The following PSPC1 variants were observed in gnomAD, a reference collection of about 807,000 sequenced individuals.
PSPC1 encodes the protein paraspeckle protein 1.
Under a neutral mutation model 51.6 loss-of-function variants are expected in PSPC1, and 14 were observed. That is an observed-to-expected ratio of 0.27 (90% CI 0.18 to 0.42). The LOEUF is 0.42. Among genes scored for constraint, PSPC1 ranks in the 10% least tolerant of loss-of-function variants. The pLI is 1.00. For missense variants in PSPC1, 406 were observed against 701.1 expected (o/e 0.58, Z 4.75); for synonymous variants, 193 against 231.9 (o/e 0.83, Z 1.53).
chr13:19,731,423 G>A (rs1246396261), intron 5 of PSPC1, among the ~76,000 whole-genome samples: 1 of 152,050 alleles, frequency 6.6e-6, no homozygotes, highest in Non-Finnish European at 1.5e-5. Context: ...TGTTGTTGTT[G>A]TTGTTGTTGA....
At chr13:19,779,577 G>A (rs1171837524) in intron 1 of PSPC1, among the ~76,000 whole-genome samples, 3 of 21,338 alleles carry the variant, frequency 1.4e-4, no homozygotes, top group African/African-American at 1.4e-4. Context: ...CCCTCCGCCC[G>A]GCCAGCCGCC....
chr13:19,780,401 C>CGGAT (rs1339245525), intron 1 of PSPC1, among the ~76,000 whole-genome samples: 1 of 79,654 alleles, frequency 1.3e-5, no homozygotes, highest in Non-Finnish European at 2.9e-5. Context: ...ATTGAGAAAT[C>CGGAT]GGATGGTTGC....
intron 6 of PSPC1, among the ~76,000 whole-genome samples, chr13:19,717,705 CAAA>C (rs780984201): frequency 5.5e-5 from 4 of 72,254 alleles, no homozygotes; most frequent in Non-Finnish European, 5.5e-5. Flanking sequence ...GACTCTGTCT[CAAA>C]AAAAAAAAAA....
intron 1 of PSPC1, 43 bp from the exon 2 acceptor site, chr13:19,772,586 G>GA (rs762169666): frequency 6.5e-7 from 1 of 1,537,018 alleles, no homozygotes; most frequent in Non-Finnish European, 8.7e-7. Context: ...GACAGTAACA[G>GA]AAAAAATTCA....
intron 7 of PSPC1, 55 bp downstream of exon 7, chr13:19,709,487 A>T: frequency 7.3e-7 from 1 of 1,363,178 alleles, no homozygotes; most frequent in South Asian, 1.3e-5. Flanking sequence ...CAAACAGCAT[A>T]AACAGTCCCC....
At chr13:19,764,395 T>C (rs1887865251) in intron 2 of PSPC1, among the ~76,000 whole-genome samples, 1 of 152,080 alleles carries the variant, frequency 6.6e-6, no homozygotes, top group African/African-American at 2.4e-5. Flanking sequence ...CTGGTATACA[T>C]CTGGGGTTTT....
At chr13:19,743,420 A>G (rs558060213) in intron 4 of PSPC1, among the ~76,000 whole-genome samples, 25 of 152,326 alleles carry the variant, frequency 1.6e-4, no homozygotes, top group South Asian at 8.3e-4. Flanking sequence ...CATCATAACC[A>G]TAACAAGGTA....
chr13:19,760,482 C>T (rs9551998), intron 2 of PSPC1, among the ~76,000 whole-genome samples: 111,628 of 150,770 alleles, frequency 0.74, 43,705 homozygotes, highest in East Asian at 0.96. Flanking sequence ...GAGTGGCGAT[C>T]GCACCACTGT....
intron 6 of PSPC1, among the ~76,000 whole-genome samples, chr13:19,681,456 T>A (rs1031127329): frequency 6.6e-6 from 1 of 152,128 alleles, no homozygotes; most frequent in African/African-American, 2.4e-5. Flanking sequence ...AAAATACACA[T>A]AATATATGAT....
chr13:19,769,284 A>G (rs1409771322), intron 2 of PSPC1, among the ~76,000 whole-genome samples: 2 of 144,430 alleles, frequency 1.4e-5, no homozygotes, highest in African/African-American at 5.3e-5. Context: ...GGCCGGGCGC[A>G]GTGGCTCACG....
intron 6 of PSPC1, among the ~76,000 whole-genome samples, chr13:19,688,750 C>G (rs1878217001): frequency 6.6e-6 from 1 of 152,172 alleles, no homozygotes; most frequent in South Asian, 2.1e-4. Context: ...CGAGCGTCTA[C>G]TAACTCAGCT....
chr13:19,753,885 T>C (rs939733803), intron 3 of PSPC1, among the ~76,000 whole-genome samples: 5 of 152,110 alleles, frequency 3.3e-5, no homozygotes, highest in South Asian at 2.1e-4. Flanking sequence ...GTGGGAAAGA[T>C]TGGGAGAATC....
chr13:19,680,229 G>C (rs1469146766), intron 6 of PSPC1, among the ~76,000 whole-genome samples: 1 of 152,154 alleles, frequency 6.6e-6, no homozygotes, highest in Non-Finnish European at 1.5e-5. Context: ...TGGCCAGGCT[G>C]CTCTCGAACT....
chr13:19,755,327 C>T (rs533685580), intron 3 of PSPC1, among the ~76,000 whole-genome samples: 1 of 152,246 alleles, frequency 6.6e-6, no homozygotes, highest in African/African-American at 2.4e-5. Flanking sequence ...TGGTGGCTCA[C>T]GCCTGTAATC....
rs530025663 is a variant in PSPC1 at position 19,704,490 on chromosome 13, C to G, written c.1387-1130G>C. On this transcript the variant is annotated intron_variant, in intron 8 of 8. Coordinates refer to ENST00000338910, the MANE Select transcript of PSPC1 (RefSeq NM_001354909.2). The stretch of plus-strand genomic sequence containing the variant: ...TTTACAACTGATGACAGGTCTGAGT[C>G]TAACAGGCAGTGCTTTCTTTCTTTC... 3.6e-4 allele frequency among the ~76,000 whole-genome samples: 55 copies of G among 152,412 alleles called. 1 individual carries two copies. The highest frequency in any genetic ancestry group is 1.1e-3 in the African/African-American group (47 of 41,600).
At chr13:19,763,167 T>C (rs550394384) in intron 2 of PSPC1, among the ~76,000 whole-genome samples, 15 of 152,252 alleles carry the variant, frequency 9.9e-5, no homozygotes, top group Non-Finnish European at 5.9e-5. Context: ...ATTTATTCTT[T>C]TTTCTTGAGA....
At chr13:19,680,994 G>T (rs1407407096) in intron 6 of PSPC1, among the ~76,000 whole-genome samples, 1 of 152,194 alleles carries the variant, frequency 6.6e-6, no homozygotes, top group East Asian at 1.9e-4. Context: ...GACACAGGAG[G>T]ACTGCTTGAG....
At position 19,759,384 on chromosome 13, in the gene PSPC1, G is replaced by T; in HGVS notation, c.709C>A (p.Gln237Lys). ...GGCAAGCCATCTTCATCATCAAACT[G>T]CTCCATGGGTTCCACAATGACTGGA... is the stretch of plus-strand genomic sequence containing the variant. The part of the protein sequence containing the change: ...PRPVIVEPME[Q>K]FDDEDGLPEK... The change falls in exon 3 of 9, where the codon CAG becomes AAG. Residue 237 changes from glutamine to lysine, a missense_variant. Physicochemically the swap from Gln to Lys is moderately conservative, Grantham distance 53 (BLOSUM62 1). Around this residue, in one of 5 missense-constraint regions of PSPC1, gnomAD observed 180 missense variants for 337.9 expected, o/e 0.53. Coordinates refer to ENST00000338910, the MANE Select transcript of PSPC1 (RefSeq NM_001354909.2). 6.2e-7 allele frequency: 1 copy of T among 1,614,086 alleles called. No homozygotes were observed. Among genetic ancestry groups the T allele is most frequent in the Non-Finnish European group, 8.5e-7 (1 of 1,180,012 alleles).
intron 5 of PSPC1, among the ~76,000 whole-genome samples, chr13:19,733,020 C>T (rs553986990): frequency 1.3e-5 from 2 of 152,064 alleles, no homozygotes; most frequent in African/African-American, 4.8e-5. Flanking sequence ...ACACAGTGAC[C>T]TTGTTGGGGG....
Sources: allele counts gnomAD v4.1 joint callset (sites outside exome capture counted in the v4.1 genomes callset), GRCh38; gene constraint gnomAD v4.1.1; regional missense constraint gnomAD v4.1.1; transcripts MANE v1.5; gene names NCBI Gene and HGNC (gene_info 2026-07-23, HGNC 2026-07-21).